Variants in FARSB observed in about 807,000 individuals in gnomAD.
FARSB encodes the protein phenylalanyl-tRNA synthetase subunit beta, also known as phenylalanine--tRNA ligase beta subunit.
A neutral mutation model predicts 69.6 loss-of-function variants in FARSB; 40 were observed. That is an observed-to-expected ratio of 0.57 (90% CI 0.45 to 0.75). The LOEUF (loss-of-function observed/expected upper bound fraction) is 0.75. Ranked by LOEUF, FARSB falls within the 30% of genes least tolerant of loss-of-function variation. The pLI, the probability that FARSB is intolerant of heterozygous loss-of-function variation, is 0.00. For missense variants in FARSB, 632 were observed against 722.9 expected (o/e 0.87, Z 1.44); for synonymous variants, 235 against 247.2 (o/e 0.95, Z 0.46).
At chr2:222,604,714 C>T (rs1690654873) in intron 15 of FARSB, among the ~76,000 whole-genome samples, 1 of 144,028 alleles carries the variant, frequency 6.9e-6, no homozygotes, top group Admixed American at 7.5e-5. Flanking sequence ...CATCACCATG[C>T]CCACTGAATT....
intron 15 of FARSB, among the ~76,000 whole-genome samples, chr2:222,602,257 G>A (rs905906595): frequency 1.3e-5 from 2 of 151,968 alleles, no homozygotes; most frequent in Admixed American, 6.6e-5. Flanking sequence ...AAAATAAGGC[G>A]TTTTTAGGGT....
In FARSB at chr2:222,648,766, C is replaced by T; in HGVS notation, c.88G>A (p.Glu30Lys). Residue 30 changes from glutamate (E) to lysine (K), a missense_variant, in exon 2 of 17, where the codon GAA becomes AAA. Transcript: ENST00000281828. ...TDEEFDELCFEFGLELDEITS... is the reference protein window; with the variant it reads ...TDEEFDELCFKFGLELDEITS... ...ATTTCATCAAGCTCCAGACCAAATTCAAAACATAGTTCATCAAATTCTTCG... is the reference window on the plus strand; with the variant it reads ...ATTTCATCAAGCTCCAGACCAAATTTAAAACATAGTTCATCAAATTCTTCG... The T allele has an allele frequency of 6.2e-7, 1 of 1,604,372 alleles. No individual in the cohort carries two copies. The highest frequency in any genetic ancestry group is 8.5e-7 in the Non-Finnish European group (1 of 1,171,254).
intron 13 of FARSB, 100 bp from the exon 14 acceptor site, chr2:222,619,837 T>G: frequency 1.6e-6 from 1 of 643,044 alleles, no homozygotes. Context: ...CAATTTATAT[T>G]CTCTACACAT....
At chr2:222,634,302 T>C in intron 6 of FARSB, 89 bp downstream of exon 6, 1 of 891,138 alleles carries the variant, frequency 1.1e-6, no homozygotes, top group Non-Finnish European at 1.7e-6. Flanking sequence ...TTTAAAAGTA[T>C]TGATTACATT....
intron 15 of FARSB, among the ~76,000 whole-genome samples, chr2:222,611,561 C>G (rs1690852886): frequency 6.6e-6 from 1 of 152,090 alleles, no homozygotes; most frequent in African/African-American, 2.4e-5. Flanking sequence ...GGTTCTCCCA[C>G]CTTGGCCTCC....
intron 2 of FARSB, among the ~76,000 whole-genome samples, chr2:222,643,293 G>T (rs1691768526): frequency 6.6e-6 from 1 of 152,088 alleles, no homozygotes; most frequent in African/African-American, 2.4e-5. Context: ...TAGCCCCCTG[G>T]CCAAATCATA....
chr2:222,628,697 T>C, intron 10 of FARSB, 140 bp downstream of exon 10: 1 of 562,082 alleles, frequency 1.8e-6, no homozygotes, highest in Non-Finnish European at 3.2e-6. Flanking sequence ...GAAGACTAAA[T>C]CCATGTAATG....
chr2:222,593,506 G>T (rs1450426376), intron 16 of FARSB, among the ~76,000 whole-genome samples: 1 of 152,120 alleles, frequency 6.6e-6, no homozygotes, highest in Non-Finnish European at 1.5e-5. Context: ...TGTAGCTTAG[G>T]CTCTGATAAT....
intron 4 of FARSB, 26 bp from the exon 5 acceptor site, chr2:222,639,721 T>C (rs563265187): frequency 2.3e-5 from 26 of 1,113,840 alleles, no homozygotes; most frequent in South Asian, 3.1e-5. Context: ...TCATTAGAGA[T>C]AGCAAACAGT....
intron 6 of FARSB, 63 bp downstream of exon 6, chr2:222,634,328 C>G: frequency 8.2e-7 from 1 of 1,224,064 alleles, no homozygotes; most frequent in Non-Finnish European, 1.1e-6. Context: ...AGTTGCAAGG[C>G]TTGACTTTGA....
rs189520001 is a variant in FARSB, at chr2:222,572,625, A to G, written c.1619-603T>C. 2.4e-3 allele frequency among the ~76,000 whole-genome samples: 371 copies of G among 152,312 alleles called. 2 individuals are homozygous for G. Among genetic ancestry groups the G allele is most frequent in the African/African-American group, 8.5e-3 (354 of 41,566 alleles). On this transcript the variant is annotated intron_variant, in intron 16 of 16. Transcript: ENST00000281828. ...GCAACCCACATTCCCATCTGAAAAG[A>G]GCTTTCTAAGCAGTTCTGAAGCATC... is the stretch of plus-strand genomic sequence containing the variant.
intron 16 of FARSB, among the ~76,000 whole-genome samples, chr2:222,597,655 C>T (rs904450606): frequency 6.6e-6 from 1 of 152,068 alleles, no homozygotes; most frequent in South Asian, 2.1e-4. Flanking sequence ...CAAAATTTTC[C>T]AAATGATGAA....
At chr2:222,607,706 T>G (rs1690739039) in intron 15 of FARSB, among the ~76,000 whole-genome samples, 2 of 151,930 alleles carry the variant, frequency 1.3e-5, no homozygotes, top group African/African-American at 4.8e-5. Context: ...TACATATTCA[T>G]GAAAGGTCTT....
intron 13 of FARSB, among the ~76,000 whole-genome samples, chr2:222,620,784 G>C (rs746670141): frequency 6.6e-6 from 1 of 152,166 alleles, no homozygotes; most frequent in Admixed American, 6.5e-5. Context: ...TCATTATGCT[G>C]TTCTACAACT....
rs376858003 is a variant in FARSB, at chr2:222,639,709, T to A, written c.340-14A>T. The A allele has an allele frequency of 7.6e-7, 1 of 1,310,762 alleles. No homozygotes were observed. The highest frequency in any genetic ancestry group is 1.1e-6 in the Non-Finnish European group (1 of 928,852). 81.2% of individuals were successfully genotyped at this position (1,310,762 alleles called of 1,614,324 possible). ...TATCTTAGCTGTCTGAAATTCATAA[T>A]ATCATTAGAGATAGCAAACAGTAAG... On this transcript the variant is annotated splice_polypyrimidine_tract_variant and intron_variant, in intron 4 of 16. Coordinates refer to ENST00000281828, the MANE Select transcript of FARSB (RefSeq NM_005687.5).
chr2:222,655,377 T>C (rs1159025760), intron 1 of FARSB, among the ~76,000 whole-genome samples: 1 of 152,170 alleles, frequency 6.6e-6, no homozygotes, highest in Non-Finnish European at 1.5e-5. Context: ...GATCAAATGT[T>C]ACCACCCTAT....
chr2:222,643,618 C>T (rs551971669), intron 2 of FARSB, among the ~76,000 whole-genome samples: 21 of 152,146 alleles, frequency 1.4e-4, no homozygotes, highest in Non-Finnish European at 2.6e-4. Context: ...ATCCTGTGGG[C>T]ACCCAAGTCC....
intron 7 of FARSB, 22 bp from the exon 8 acceptor site, chr2:222,631,696 A>C (rs780567458): frequency 7.6e-7 from 1 of 1,309,746 alleles, no homozygotes; most frequent in African/African-American, 1.5e-5. Context: ...ACAAAACAAT[A>C]ACATTAAAAT....
At chr2:222,651,560 T>C (rs1426014560) in intron 1 of FARSB, among the ~76,000 whole-genome samples, 1 of 152,128 alleles carries the variant, frequency 6.6e-6, no homozygotes, top group South Asian at 2.1e-4. Flanking sequence ...AGGGTGCTAT[T>C]AAAAATTATA....
Sources: allele counts gnomAD v4.1 joint callset (sites outside exome capture counted in the v4.1 genomes callset), GRCh38; gene constraint gnomAD v4.1.1; transcripts MANE v1.5; gene names NCBI Gene and HGNC (gene_info 2026-07-23, HGNC 2026-07-21).